RERE: variants seen among roughly 807,000 people sequenced by gnomAD.
RERE encodes the protein arginine-glutamic acid dipeptide repeats, also known as arginine-glutamic acid dipeptide repeats protein.
Under a neutral mutation model 146.1 loss-of-function variants are expected in RERE, and 40 were observed. That is an observed-to-expected ratio of 0.27 (90% CI 0.21 to 0.36). The LOEUF is 0.36. Among genes scored for constraint, RERE ranks in the 10% least tolerant of loss-of-function variants. The pLI, the probability that RERE is intolerant of heterozygous loss-of-function variation, is 1.00. For synonymous variants in RERE, 1,003 were observed against 866.0 expected, an observed-to-expected ratio of 1.16 and a Z score of -2.78; for missense variants, 1,933 against 2,138.7, an observed-to-expected ratio of 0.90 and a Z score of 1.90.
intron 4 of RERE, among the ~76,000 whole-genome samples, chr1:8,568,642 C>G (rs181622152): frequency 6.6e-6 from 1 of 152,268 alleles, no homozygotes; most frequent in East Asian, 1.9e-4. Flanking sequence ...CAAAGCCCTC[C>G]CCAGAGGCCA....
chr1:8,595,955 A>G (rs1049321964), intron 4 of RERE, among the ~76,000 whole-genome samples: 1 of 152,260 alleles, frequency 6.6e-6, no homozygotes, highest in Non-Finnish European at 1.5e-5. Context: ...CTAATCCCCA[A>G]AAGTTTATAC....
rs534832216 is a variant in RERE, at chr1:8,432,444, C to T, written c.1204-9637G>A. On this transcript the variant is annotated intron_variant, in intron 11 of 22. Coordinates refer to ENST00000400908, the MANE Select transcript of RERE (RefSeq NM_001042681.2). ...TGAACAAGGAGCACAGCACGAGGCACTGAGTGAACAAGGAGCACAGCACGA... is the reference window on the plus strand; with the variant it reads ...TGAACAAGGAGCACAGCACGAGGCATTGAGTGAACAAGGAGCACAGCACGA... Among the ~76,000 whole-genome samples the T allele has an allele frequency of 4.6e-5, 7 of 152,270 alleles. No individual in the cohort carries two copies. In the East Asian group the frequency reaches 9.6e-4, roughly 21 times the overall value.
intron 7 of RERE, among the ~76,000 whole-genome samples, chr1:8,529,065 A>C (rs950303121): frequency 6.6e-6 from 1 of 152,156 alleles, no homozygotes; most frequent in South Asian, 2.1e-4. Flanking sequence ...GCAAACCTAT[A>C]ATAAAGTTTA....
intron 12 of RERE, among the ~76,000 whole-genome samples, chr1:8,417,571 C>T (rs545571040): frequency 6.6e-6 from 1 of 152,268 alleles, no homozygotes; most frequent in East Asian, 1.9e-4. Context: ...CTTCCCTTCC[C>T]ATTAACTTTG....
intron 1 of RERE, among the ~76,000 whole-genome samples, chr1:8,779,595 G>A (rs780137657): frequency 8.6e-5 from 13 of 152,012 alleles, no homozygotes; most frequent in Middle Eastern, 6.8e-3. Context: ...CCTGGGAGGC[G>A]GAGGTTGCAA....
At position 8,354,752 on chromosome 1, in the gene RERE, G is replaced by C; in HGVS notation, c.*335C>G. The C allele has an allele frequency of 3.2e-6, 1 of 308,352 alleles. No individual in the cohort carries two copies. The highest frequency in any genetic ancestry group is 5.9e-6 in the Non-Finnish European group (1 of 169,690). The allele number at this position is 308,352 out of a possible 1,614,324, so 19.1% of individuals were successfully genotyped here. ...TGTCTGCACGCACAGTGAAGGGTGT[G>C]AACTGGATTCTAGCACCTACTGAGA... On this transcript the variant is annotated 3_prime_UTR_variant, in exon 23 of 23. Coordinates refer to ENST00000400908, the MANE Select transcript of RERE (RefSeq NM_001042681.2).
chr1:8,709,479 A>C (rs1639625618), intron 1 of RERE, among the ~76,000 whole-genome samples: 1 of 152,092 alleles, frequency 6.6e-6, no homozygotes, highest in South Asian at 2.1e-4. Context: ...TCCACTTAAC[A>C]GGCTGAAGGT....
chr1:8,608,942 G>C (rs1646756487), intron 4 of RERE, among the ~76,000 whole-genome samples: 1 of 152,158 alleles, frequency 6.6e-6, no homozygotes, highest in Non-Finnish European at 1.5e-5. Context: ...AATTAGGCCA[G>C]GCATGGTGGC....
intron 1 of RERE, among the ~76,000 whole-genome samples, chr1:8,806,404 G>A (rs1014576338): frequency 1.3e-4 from 19 of 151,996 alleles, no homozygotes; most frequent in Non-Finnish European, 1.8e-4. Context: ...GGTGGTGATC[G>A]CCTGTAACCC....
Position 8,423,510 on chromosome 1 carries a change from G to A in RERE, c.1204-703C>T. 1.0e-6 allele frequency: 1 copy of A among 980,930 alleles called. No individual in the cohort carries two copies. 60.8% of individuals were successfully genotyped at this position (980,930 alleles called of 1,614,324 possible). The stretch of plus-strand genomic sequence containing the variant: ...ACTTTCACTTTGTCCCATGCCTCCC[G>A]AGCACCCCTCCCCGCCCCGGTGGGG... On this transcript the variant is annotated intron_variant, in intron 11 of 22. Coordinates refer to ENST00000400908, the MANE Select transcript of RERE (RefSeq NM_001042681.2). This position sits in a 1 kb window ranked among gnomAD's most constrained non-coding sequence, Gnocchi z 5.4.
rs1332035580 is a variant in RERE at position 8,786,653 on chromosome 1, TG to T, written c.-145+30506del. On this transcript the variant is annotated intron_variant, in intron 1 of 22. Transcript: ENST00000400908. ...TCTGGGCTCACACCATTGGCACCTC[TG>T]GTCCTGATGACAAAGGCCAATTTGG... 1.7e-4 allele frequency: 131 copies of T among 774,114 alleles called. 1 individual carries two copies. The highest frequency in any genetic ancestry group is 2.3e-4 in the Middle Eastern group (1 of 4,256). The allele number at this position is 774,114 out of a possible 1,614,324, so 48.0% of individuals were successfully genotyped here.
chr1:8,602,308 T>G (rs1240177507), intron 4 of RERE, among the ~76,000 whole-genome samples: 1 of 151,610 alleles, frequency 6.6e-6, no homozygotes, highest in Non-Finnish European at 1.5e-5. Flanking sequence ...GGAGAATCAC[T>G]TGAACCTGGG....
intron 11 of RERE, among the ~76,000 whole-genome samples, chr1:8,425,461 C>T (rs954420983): frequency 2.0e-5 from 3 of 152,196 alleles, no homozygotes; most frequent in East Asian, 1.9e-4. Context: ...AGAATGCCTT[C>T]GCCAAGGCAG....
chr1:8,470,380 A>G (rs998033771), intron 10 of RERE, among the ~76,000 whole-genome samples: 1 of 151,618 alleles, frequency 6.6e-6, no homozygotes, highest in Admixed American at 6.6e-5. Flanking sequence ...TCCTGCCTCA[A>G]CCTCCTGAGT....
intron 12 of RERE, among the ~76,000 whole-genome samples, chr1:8,418,602 G>A (rs1643841232): frequency 6.6e-6 from 1 of 152,200 alleles, no homozygotes; most frequent in Admixed American, 6.5e-5. Flanking sequence ...TCATCCAGGT[G>A]CCAGACACAA....
chr1:8,798,689 C>CT lies in RERE; in HGVS notation c.-145+18470dup, dbSNP rs1167008226. The CT allele has an allele frequency of 2.8e-3, 452 of 162,276 alleles. 3 individuals are homozygous for CT. Among genetic ancestry groups the CT allele is most frequent in the African/African-American group, 0.01 (423 of 41,760 alleles). The allele number at this position is 162,276 out of a possible 1,614,324, so 10.1% of individuals were successfully genotyped here. ...GATGAAGAAGAGTCAAAGATCAAGT[C>CT]TTTTTTTTCTTTTTTTTTTTGAGGT... On this transcript the variant is annotated intron_variant, in intron 1 of 22. Transcript: ENST00000400908.
chr1:8,545,996 T>TTTTTA (rs1426876996), intron 6 of RERE, among the ~76,000 whole-genome samples: 8 of 140,126 alleles, frequency 5.7e-5, no homozygotes, highest in Non-Finnish European at 1.1e-4. Flanking sequence ...TTTTTTTTTT[T>TTTTTA]TTTTTTTTTT....
intron 6 of RERE, among the ~76,000 whole-genome samples, chr1:8,554,396 C>T (rs1034212899): frequency 5.3e-5 from 8 of 151,862 alleles, no homozygotes; most frequent in Admixed American, 1.3e-4. Context: ...AAGAAGTATT[C>T]CAGGATTTGG....
chr1:8,517,610 A>G (rs1645436943), intron 7 of RERE, among the ~76,000 whole-genome samples: 1 of 152,262 alleles, frequency 6.6e-6, no homozygotes, highest in African/African-American at 2.4e-5. Flanking sequence ...GAATATGAAA[A>G]AAATAGTTCC....
Sources: allele counts gnomAD v4.1 joint callset (sites outside exome capture counted in the v4.1 genomes callset), GRCh38; gene constraint gnomAD v4.1.1; non-coding constraint Gnocchi (gnomAD v3.1); transcripts MANE v1.5; gene names NCBI Gene and HGNC (gene_info 2026-07-23, HGNC 2026-07-21).